The following ZMYND8 variants were observed in gnomAD, a reference collection of about 807,000 sequenced individuals.
ZMYND8 encodes the protein zinc finger MYND-type containing 8, also known as MYND-type zinc finger-containing chromatin reader ZMYND8.
In ZMYND8, 37 loss-of-function variants were observed where a neutral mutation model predicts 140.8. The ratio of observed to expected loss-of-function variants is 0.26; its 90% CI spans 0.20 to 0.35. The LOEUF (loss-of-function observed/expected upper bound fraction) is 0.35. Among genes scored for constraint, ZMYND8 ranks in the 10% least tolerant of loss-of-function variants. The probability of loss-of-function intolerance (pLI) is 1.00; values close to 1 mark genes in which losing one functional copy is unlikely to be tolerated. For missense variants in ZMYND8, 1,068 were observed against 1,570.0 expected (o/e 0.68, Z 5.40); for synonymous variants, 592 against 597.1 (o/e 0.99, Z 0.12).
At chr20:47,253,943 C>CA (rs760434379) in intron 12 of ZMYND8, among the ~76,000 whole-genome samples, 16 of 152,304 alleles carry the variant, frequency 1.1e-4, no homozygotes, top group Admixed American at 2.6e-4. Context: ...AATAAACCAC[C>CA]AAATGGCTAG....
intron 1 of ZMYND8, chr20:47,352,602 G>A: frequency 1.1e-6 from 1 of 945,904 alleles, no homozygotes. Context: ...TTACAGGTCT[G>A]AGCATTGGCC....
At chr20:47,267,437 T>A (rs563844291) in intron 11 of ZMYND8, among the ~76,000 whole-genome samples, 5 of 140,926 alleles carry the variant, frequency 3.5e-5, no homozygotes, top group South Asian at 4.4e-4. Flanking sequence ...CTCATTTTTT[T>A]AAAAGATCTC....
intron 9 of ZMYND8, among the ~76,000 whole-genome samples, 186 bp downstream of exon 9, chr20:47,283,385 C>T (rs2076727667): frequency 6.6e-6 from 1 of 152,146 alleles, no homozygotes; most frequent in African/African-American, 2.4e-5. Context: ...GGCACATGAA[C>T]TTTCAGCCTA....
chr20:47,212,735 T>G lies in ZMYND8; in HGVS notation c.3485-10A>C, dbSNP rs371081779. The G allele has an allele frequency of 1.2e-6, 2 of 1,603,098 alleles. No individual in the cohort carries two copies. The highest frequency in any genetic ancestry group is 1.3e-5 in the African/African-American group (1 of 74,632). ...TCACACCTTTTGCTAACTGAAGAGATAGCACAGGTAGCCTCAGAGTCTGTC... is the reference window on the plus strand; with the variant it reads ...TCACACCTTTTGCTAACTGAAGAGAGAGCACAGGTAGCCTCAGAGTCTGTC... On this transcript the variant is annotated splice_polypyrimidine_tract_variant and intron_variant, in intron 21 of 22. Coordinates refer to ENST00000471951, the MANE Select transcript of ZMYND8 (RefSeq NM_001281775.3).
At chr20:47,243,645 A>G (rs1251499587) in intron 14 of ZMYND8, among the ~76,000 whole-genome samples, 2 of 152,014 alleles carry the variant, frequency 1.3e-5, no homozygotes, top group Non-Finnish European at 2.9e-5. Flanking sequence ...TTCTACCTTC[A>G]TTTTCCTTTT....
intron 12 of ZMYND8, among the ~76,000 whole-genome samples, chr20:47,259,297 C>T (rs890194304): frequency 6.6e-6 from 1 of 152,102 alleles, no homozygotes; most frequent in Non-Finnish European, 1.5e-5. Flanking sequence ...CCTTTTCACT[C>T]AAGTGAGGAA....
At chr20:47,212,066 T>G (rs2035351151) in intron 22 of ZMYND8, among the ~76,000 whole-genome samples, 1 of 152,224 alleles carries the variant, frequency 6.6e-6, no homozygotes, top group South Asian at 2.1e-4. Flanking sequence ...TTCTTATGCC[T>G]TCTTCCCTTA....
chr20:47,330,381 T>G (rs2148442341), intron 2 of ZMYND8, among the ~76,000 whole-genome samples: 1 of 149,178 alleles, frequency 6.7e-6, no homozygotes, highest in East Asian at 2.0e-4. Context: ...TTTTTTTTTT[T>G]GTAGGAACGG....
intron 2 of ZMYND8, among the ~76,000 whole-genome samples, chr20:47,340,251 G>T (rs1337816630): frequency 2.0e-5 from 3 of 152,124 alleles, no homozygotes; most frequent in African/African-American, 7.2e-5. Context: ...CAGAAGCCAG[G>T]TGTTTTAAAT....
At chr20:47,244,214 T>C (rs988960152) in intron 14 of ZMYND8, among the ~76,000 whole-genome samples, 1 of 152,218 alleles carries the variant, frequency 6.6e-6, no homozygotes, top group Non-Finnish European at 1.5e-5. Flanking sequence ...TTCAAGGGTT[T>C]CATTGACAAG....
intron 1 of ZMYND8, among the ~76,000 whole-genome samples, chr20:47,355,296 C>G (rs544061077): frequency 6.6e-6 from 1 of 152,182 alleles, no homozygotes. Flanking sequence ...CAAACAGTCA[C>G]CTAAAATCAA....
Position 47,210,653 on chromosome 20 carries a change from C to T in ZMYND8, c.*108G>A, listed in dbSNP as rs1197412053. On this transcript the variant is annotated 3_prime_UTR_variant, in exon 23 of 23. Coordinates refer to ENST00000471951, the MANE Select transcript of ZMYND8 (RefSeq NM_001281775.3). ...GCTCAGGCTCAACTGAGGGTTTTGTCATTTTCAAGTCTGAAAGTGGCTGTT... is the reference window on the plus strand; with the variant it reads ...GCTCAGGCTCAACTGAGGGTTTTGTTATTTTCAAGTCTGAAAGTGGCTGTT... 2.5e-6 allele frequency: 4 copies of T among 1,595,740 alleles called. No individual in the cohort carries two copies. The Admixed American group carries it at 6.7e-5, about 27-fold the overall frequency.
rs1568847110 is a variant in ZMYND8, at chr20:47,209,248, A to T, written c.*1513T>A. 6.6e-6 allele frequency: 1 copy of T among 152,012 alleles called. No individual in the cohort carries two copies. 9.4% of individuals were successfully genotyped at this position (152,012 alleles called of 1,614,324 possible). A position where few individuals can be genotyped will look rare whatever the true frequency, so the allele number is the denominator to read the frequency against. ...CAAAACAGTTTAATTAAAAAAAGGT[A>T]AAGAAATCTGAAAAAACTGGGGGGG... On this transcript the variant is annotated 3_prime_UTR_variant, in exon 23 of 23. Coordinates refer to ENST00000471951, the MANE Select transcript of ZMYND8 (RefSeq NM_001281775.3).
intron 2 of ZMYND8, among the ~76,000 whole-genome samples, chr20:47,338,941 T>C (rs578050597): frequency 2.6e-4 from 39 of 151,364 alleles, no homozygotes; most frequent in African/African-American, 9.2e-4. Context: ...GTCCCGAGCC[T>C]GCCTGCTGGG....
chr20:47,236,804 A>C (rs2147156311), intron 15 of ZMYND8, among the ~76,000 whole-genome samples: 1 of 152,310 alleles, frequency 6.6e-6, no homozygotes, highest in Non-Finnish European at 1.5e-5. Flanking sequence ...AATGCTGGCA[A>C]AAGAACTGAC....
At chr20:47,328,761 T>G (rs1323371814) in intron 2 of ZMYND8, among the ~76,000 whole-genome samples, 1 of 152,228 alleles carries the variant, frequency 6.6e-6, no homozygotes, top group South Asian at 2.1e-4. Context: ...CCTGGCCAAG[T>G]TAGTTTCCAG....
At chr20:47,272,309 C>T (rs1421434529) in intron 11 of ZMYND8, among the ~76,000 whole-genome samples, 1 of 152,046 alleles carries the variant, frequency 6.6e-6, no homozygotes, top group African/African-American at 2.4e-5. Context: ...AATCTCCTGA[C>T]CTCGTGATCC....
intron 3 of ZMYND8, among the ~76,000 whole-genome samples, chr20:47,303,153 T>C (rs2078199764): frequency 3.3e-5 from 5 of 152,034 alleles, no homozygotes; most frequent in Admixed American, 3.3e-4. Flanking sequence ...TTCGAATTTA[T>C]TGTAGGGGTA....
At chr20:47,231,763 C>T (rs952181878) in intron 16 of ZMYND8, among the ~76,000 whole-genome samples, 4 of 152,236 alleles carry the variant, frequency 2.6e-5, no homozygotes, top group African/African-American at 9.6e-5. Context: ...CTCTGTTGCA[C>T]CCACTGTGTC....
Sources: allele counts gnomAD v4.1 joint callset (sites outside exome capture counted in the v4.1 genomes callset), GRCh38; gene constraint gnomAD v4.1.1; transcripts MANE v1.5; gene names NCBI Gene and HGNC (gene_info 2026-07-23, HGNC 2026-07-21).